ZMYM2: variants seen among roughly 807,000 people sequenced by gnomAD.
The protein encoded by ZMYM2 is zinc finger MYM-type containing 2, also known as zinc finger MYM-type protein 2.
ZMYM2 carries 56 observed loss-of-function variants against 162.8 expected under a neutral mutation model. The ratio of observed to expected loss-of-function variants is 0.34; its 90% CI spans 0.28 to 0.43. ZMYM2 has a LOEUF of 0.43. Ranked by LOEUF, ZMYM2 falls within the 20% of genes least tolerant of loss-of-function variation. The probability of loss-of-function intolerance (pLI) is 1.00; values close to 1 mark genes in which losing one functional copy is unlikely to be tolerated. For missense variants in ZMYM2, 1,275 were observed against 1,621.8 expected (o/e 0.79, Z 3.67); for synonymous variants, 510 against 541.6 (o/e 0.94, Z 0.81).
At chr13:20,012,561 A>G (rs575659765) in intron 6 of ZMYM2, among the ~76,000 whole-genome samples, 1 of 152,172 alleles carries the variant, frequency 6.6e-6, no homozygotes, top group African/African-American at 2.4e-5. Context: ...GCCAAATGCC[A>G]GGTCATGGTT....
intron 22 of ZMYM2, 33 bp from the exon 23 acceptor site, chr13:20,082,748 A>T (rs1454558425): frequency 1.4e-6 from 2 of 1,463,006 alleles, no homozygotes; most frequent in Non-Finnish European, 1.8e-6. Flanking sequence ...TTTATTTATT[A>T]TAATTCTTTT....
chr13:19,897,596 A>C, the ZMYM2 span, among the ~76,000 whole-genome samples: 1 of 151,990 alleles, frequency 6.6e-6, no homozygotes, highest in Non-Finnish European at 1.5e-5. Context: ...AAAAGGATGG[A>C]TGAAAAAATA....
chr13:20,069,018 A>G (rs945516743), intron 21 of ZMYM2, among the ~76,000 whole-genome samples: 5 of 152,090 alleles, frequency 3.3e-5, no homozygotes, highest in Non-Finnish European at 5.9e-5. Flanking sequence ...TGCCCCACTG[A>G]TCTCTAGTCT....
rs377253324 is a variant in ZMYM2 at position 20,082,986 on chromosome 13, G to A, written c.3774G>A (p.Ala1258=). ...KKNPLTMENK[A]CLRYQVSSLC... ...ATCCTTTAACGATGGAAAACAAAGC[G>A]TGTCTTCGATACCAAGTGTCTTCCT... is the stretch of plus-strand genomic sequence containing the variant. The change falls in exon 23 of 25, where the codon GCG becomes GCA. Residue 1258 remains alanine (A), a synonymous_variant. Transcript: ENST00000610343. 14 of 1,613,768 alleles carry A rather than the reference G, an allele frequency of 8.7e-6. No homozygotes were observed. The highest frequency in any genetic ancestry group is 5.3e-5 in the African/African-American group (4 of 74,940).
chr13:20,010,159 A>G (rs1438763072), intron 6 of ZMYM2, among the ~76,000 whole-genome samples: 1 of 151,914 alleles, frequency 6.6e-6, no homozygotes, highest in Non-Finnish European at 1.5e-5. Context: ...GCATTTCCCT[A>G]ATGACTAATG....
At chr13:19,886,370 G>A in the ZMYM2 span, among the ~76,000 whole-genome samples, 6 of 151,288 alleles carry the variant, frequency 4.0e-5, no homozygotes, top group Non-Finnish European at 7.4e-5. Context: ...CTCCATGTTG[G>A]TCAGGCTGGT....
At chr13:19,879,419 C>CA in the ZMYM2 span, among the ~76,000 whole-genome samples, 1 of 151,994 alleles carries the variant, frequency 6.6e-6, no homozygotes, top group Non-Finnish European at 1.5e-5. Flanking sequence ...TATTTTTCTA[C>CA]AAAAAATACA....
chr13:20,085,738 G>T, intron 24 of ZMYM2, 84 bp from the exon 25 acceptor site: 2 of 1,238,790 alleles, frequency 1.6e-6, no homozygotes, highest in Non-Finnish European at 2.2e-6. Context: ...GTGATTAATG[G>T]GGTCTGAATT....
the ZMYM2 span, among the ~76,000 whole-genome samples, chr13:19,887,832 G>A: frequency 1.3e-5 from 2 of 150,956 alleles, no homozygotes; most frequent in Admixed American, 6.6e-5. Flanking sequence ...TTTCTTGCTC[G>A]AACTGCCTCA....
intron 2 of ZMYM2, among the ~76,000 whole-genome samples, chr13:19,961,730 A>G (rs1323605254): frequency 2.6e-5 from 4 of 152,192 alleles, no homozygotes; most frequent in African/African-American, 7.2e-5. Flanking sequence ...TTTACGTAAT[A>G]CCAGAATGGT....
intron 12 of ZMYM2, among the ~76,000 whole-genome samples, chr13:20,038,502 T>TA (rs1215694582): frequency 6.6e-6 from 1 of 152,226 alleles, no homozygotes; most frequent in Non-Finnish European, 1.5e-5. Context: ...TAGCCAGTTA[T>TA]CCCAGCACCG....
At chr13:19,992,853 T>C (rs1949733141) in intron 2 of ZMYM2, among the ~76,000 whole-genome samples, 1 of 152,000 alleles carries the variant, frequency 6.6e-6, no homozygotes, top group African/African-American at 2.4e-5. Flanking sequence ...AATTGGATAA[T>C]TGCCTTCCTT....
chr13:19,926,742 A>G, the ZMYM2 span, among the ~76,000 whole-genome samples: 1 of 152,138 alleles, frequency 6.6e-6, no homozygotes, highest in Non-Finnish European at 1.5e-5. Flanking sequence ...ATCCCTGCTC[A>G]CTGCAATCTC....
chr13:20,012,299 C>T (rs1451578547), intron 6 of ZMYM2, among the ~76,000 whole-genome samples: 1 of 152,170 alleles, frequency 6.6e-6, no homozygotes, highest in Non-Finnish European at 1.5e-5. Flanking sequence ...CGTCAGCCTC[C>T]CAAGTAGCTA....
intron 2 of ZMYM2, among the ~76,000 whole-genome samples, chr13:19,965,771 C>CTTTTT (rs35914050): frequency 8.3e-4 from 87 of 104,878 alleles, no homozygotes; most frequent in African/African-American, 1.1e-3. Context: ...TATCTGAATT[C>CTTTTT]TTTTTTTTTT....
intron 14 of ZMYM2, among the ~76,000 whole-genome samples, chr13:20,053,983 T>C (rs1247351346): frequency 6.6e-6 from 1 of 152,214 alleles, no homozygotes; most frequent in African/African-American, 2.4e-5. Context: ...TAGCACGATA[T>C]TAAATATTTT....
chr13:19,919,492 C>A, the ZMYM2 span, among the ~76,000 whole-genome samples: 2 of 152,030 alleles, frequency 1.3e-5, no homozygotes, highest in African/African-American at 2.4e-5. Context: ...ATTTTCTCTG[C>A]CTTCTCACCA....
chr13:20,061,506 G>C (rs1434597115), intron 17 of ZMYM2, among the ~76,000 whole-genome samples: 1 of 152,056 alleles, frequency 6.6e-6, no homozygotes, highest in Admixed American at 6.5e-5. Flanking sequence ...GAGTAGTGCT[G>C]ATGCAAAACT....
At chr13:20,011,873 C>T (rs529690315) in intron 6 of ZMYM2, among the ~76,000 whole-genome samples, 33 of 152,072 alleles carry the variant, frequency 2.2e-4, no homozygotes, top group African/African-American at 6.8e-4. Flanking sequence ...CTCAGCCTCC[C>T]GAGTAGCTGG....
Sources: allele counts gnomAD v4.1 joint callset (sites outside exome capture counted in the v4.1 genomes callset), GRCh38; gene constraint gnomAD v4.1.1; transcripts MANE v1.5; gene names NCBI Gene and HGNC (gene_info 2026-07-23, HGNC 2026-07-21).